EEPD1: variants seen among roughly 807,000 people sequenced by gnomAD.
EEPD1 encodes endonuclease/exonuclease/phosphatase family domain containing 1.
A neutral mutation model predicts 46.3 loss-of-function variants in EEPD1; 17 were observed. That is an observed-to-expected ratio of 0.37 (90% CI 0.25 to 0.55). EEPD1 has a LOEUF of 0.55. Among genes scored for constraint, EEPD1 ranks in the 20% least tolerant of loss-of-function variants. The probability of loss-of-function intolerance (pLI) is 0.83; values close to 1 mark genes in which losing one functional copy is unlikely to be tolerated. For synonymous variants in EEPD1, 313 were observed against 315.6 expected (o/e 0.99, Z 0.09); for missense variants, 673 against 745.6 (o/e 0.90, Z 1.13).
At chr7:36,220,181 G>A (rs1037921262) in intron 2 of EEPD1, among the ~76,000 whole-genome samples, 4 of 152,146 alleles carry the variant, frequency 2.6e-5, no homozygotes, top group African/African-American at 9.7e-5. Flanking sequence ...AACAATTCAG[G>A]AAGAACAATT....
intron 2 of EEPD1, among the ~76,000 whole-genome samples, chr7:36,214,509 G>A (rs1562689423): frequency 6.6e-6 from 1 of 152,170 alleles, no homozygotes; most frequent in Admixed American, 6.5e-5. Flanking sequence ...TGTAGTCTTC[G>A]TCAAAGTGGC....
At position 36,154,748 on chromosome 7, in the gene EEPD1, G is replaced by C. The variant is rs1487417526; in HGVS notation, c.424G>C (p.Ala142Pro). 6.2e-7 allele frequency: 1 copy of C among 1,614,100 alleles called. No individual in the cohort carries two copies. ...PLTPRVNINT[A>P]TPAQLMSVRG... ...CACCCCACGTGTTAACATCAACACA[G>C]CCACCCCGGCCCAGCTCATGAGCGT... The change falls in exon 2 of 8, where the codon GCC becomes CCC. Residue 142 changes from alanine to proline, a missense_variant. Physicochemically the swap from Ala to Pro is conservative, Grantham distance 27 (BLOSUM62 -1). Transcript: ENST00000242108. The surrounding 1 kb of genome is among the most constrained non-coding windows in gnomAD (Gnocchi z 4.2).
At chr7:36,223,009 G>A (rs1786172161) in intron 2 of EEPD1, among the ~76,000 whole-genome samples, 1 of 152,002 alleles carries the variant, frequency 6.6e-6, no homozygotes, top group South Asian at 2.1e-4. Context: ...AAATTAGGCA[G>A]GCGTGGTGGC....
Position 36,154,848 on chromosome 7 carries a change from A to G in EEPD1, c.524A>G (p.Glu175Gly). Residue 175 changes from glutamate (E) to glycine (G), a missense_variant, in exon 2 of 8, where the codon GAG (glutamate) becomes GGG (glycine). Physicochemically the swap from Glu to Gly is moderately conservative, Grantham distance 98. Coordinates refer to ENST00000242108, the MANE Select transcript of EEPD1 (RefSeq NM_030636.3). The surrounding 1 kb of genome is among the most constrained non-coding windows in gnomAD (Gnocchi z 4.2). The part of the protein sequence containing the change: ...RREHGPFRSV[E>G]DLVRMDGINA... ...GAGCATGGGCCCTTTCGCAGCGTTG[A>G]GGACCTAGTGAGGATGGATGGTATC... The G allele has an allele frequency of 6.2e-7, 1 of 1,614,194 alleles. No homozygotes were observed. The highest frequency in any genetic ancestry group is 8.5e-7 in the Non-Finnish European group (1 of 1,180,036).
rs143061882 is a variant in EEPD1, at chr7:36,299,059, C to G, written c.1563C>G (p.Asn521Lys). ...EGLTNPWIPD[N>K]WSWGGVASEH... The stretch of plus-strand genomic sequence containing the variant: ...TCACGAACCCTTGGATTCCGGATAA[C>G]TGGTCTTGGGGCGGGGTGGCTTCTG... The change falls in exon 8 of 8, where the codon AAC becomes AAG. Residue 521 changes from asparagine to lysine, a missense_variant. Coordinates refer to ENST00000242108, the MANE Select transcript of EEPD1 (RefSeq NM_030636.3). 1.8e-4 allele frequency: 289 copies of G among 1,614,076 alleles called. No individual in the cohort carries two copies. The highest frequency in any genetic ancestry group is 2.3e-4 in the Non-Finnish European group (274 of 1,180,048).
At chr7:36,172,287 T>A (rs1359611392) in intron 2 of EEPD1, among the ~76,000 whole-genome samples, 2 of 152,214 alleles carry the variant, frequency 1.3e-5, no homozygotes, top group African/African-American at 2.4e-5. Context: ...CCTTTTTGAT[T>A]GTGGGTCTTT....
At chr7:36,259,811 G>A (rs555681498) in intron 3 of EEPD1, among the ~76,000 whole-genome samples, 4 of 152,186 alleles carry the variant, frequency 2.6e-5, no homozygotes, top group Admixed American at 6.5e-5. Flanking sequence ...CCACCATGCC[G>A]GGCCTATTAT....
chr7:36,183,965 A>C (rs905351339), intron 2 of EEPD1, among the ~76,000 whole-genome samples: 15 of 151,712 alleles, frequency 9.9e-5, no homozygotes, highest in African/African-American at 3.4e-4. Context: ...AATGAATCTC[A>C]ATATAAGCAA....
At chr7:36,285,328 C>T (rs996730833) in intron 5 of EEPD1, among the ~76,000 whole-genome samples, 2 of 152,132 alleles carry the variant, frequency 1.3e-5, no homozygotes, top group Admixed American at 6.5e-5. Flanking sequence ...ATCTCAGGCC[C>T]GATTCCTTTA....
intron 2 of EEPD1, among the ~76,000 whole-genome samples, chr7:36,175,986 A>T (rs1437599605): frequency 6.6e-6 from 1 of 152,216 alleles, no homozygotes; most frequent in Non-Finnish European, 1.5e-5. Flanking sequence ...GAGAGGCTGC[A>T]GGCTGTGGCG....
intron 2 of EEPD1, among the ~76,000 whole-genome samples, chr7:36,157,517 A>G (rs1185167313): frequency 6.6e-6 from 1 of 152,192 alleles, no homozygotes; most frequent in Non-Finnish European, 1.5e-5. Flanking sequence ...TTTGCTGAAG[A>G]CATTGAACTA....
chr7:36,213,088 G>A (rs1785964699), intron 2 of EEPD1, among the ~76,000 whole-genome samples: 1 of 152,184 alleles, frequency 6.6e-6, no homozygotes, highest in South Asian at 2.1e-4. Context: ...GCGAGGCGGA[G>A]GTTGCAGTGA....
intron 2 of EEPD1, among the ~76,000 whole-genome samples, chr7:36,206,898 CATT>C (rs1301645351): frequency 1.3e-5 from 2 of 152,016 alleles, no homozygotes; most frequent in Non-Finnish European, 2.9e-5. Flanking sequence ...AAAATATAAA[CATT>C]AGCCAGGTGT....
At chr7:36,215,513 T>C (rs1348238056) in intron 2 of EEPD1, among the ~76,000 whole-genome samples, 1 of 152,230 alleles carries the variant, frequency 6.6e-6, no homozygotes, top group East Asian at 1.9e-4. Flanking sequence ...CGGAAGCTGA[T>C]TCCAGAAACC....
intron 2 of EEPD1, among the ~76,000 whole-genome samples, chr7:36,176,644 C>T (rs1241842328): frequency 6.6e-6 from 1 of 152,090 alleles, no homozygotes; most frequent in Non-Finnish European, 1.5e-5. Context: ...ATGAAAGTTT[C>T]ACTGGAATAA....
chr7:36,222,594 TA>T (rs1345543394), intron 2 of EEPD1, among the ~76,000 whole-genome samples: 2 of 152,194 alleles, frequency 1.3e-5, no homozygotes, highest in Non-Finnish European at 2.9e-5. Flanking sequence ...TGGAGTACAA[TA>T]ACAAAATACT....
At chr7:36,296,132 G>A (rs1276583036) in intron 6 of EEPD1, among the ~76,000 whole-genome samples, 1 of 150,966 alleles carries the variant, frequency 6.6e-6, no homozygotes, top group Non-Finnish European at 1.5e-5. Flanking sequence ...GCAGGAAAAT[G>A]GTACATTATG....
chr7:36,249,837 T>C (rs866317770), intron 3 of EEPD1, among the ~76,000 whole-genome samples: 2 of 152,230 alleles, frequency 1.3e-5, no homozygotes, highest in African/African-American at 4.8e-5. Flanking sequence ...GTGACACAAA[T>C]GTTTATTTAA....
chr7:36,281,469 G>A (rs1787261516), intron 4 of EEPD1, among the ~76,000 whole-genome samples: 1 of 152,206 alleles, frequency 6.6e-6, no homozygotes, highest in South Asian at 2.1e-4. Flanking sequence ...GAGGAGGGGA[G>A]AAAGGCAACA....
Sources: gnomAD v4.1 joint callset for allele counts (sites outside exome capture counted in the v4.1 genomes callset) on GRCh38, gnomAD v4.1.1 for gene constraint, Gnocchi (gnomAD v3.1) non-coding constraint, MANE v1.5 for transcripts, NCBI Gene and HGNC (gene_info 2026-07-23, HGNC 2026-07-21) for gene names.